Variants in LOXHD1 observed in about 807,000 individuals in gnomAD.
LOXHD1 encodes the protein lipoxygenase homology domain-containing protein 1.
Under a neutral mutation model 248.2 loss-of-function variants are expected in LOXHD1, and 205 were observed. That is an observed-to-expected ratio of 0.83 (90% CI 0.74 to 0.93). The LOEUF is 0.93. LOXHD1 is among the 40% of genes least tolerant of loss of function. The pLI, the probability that LOXHD1 is intolerant of heterozygous loss-of-function variation, is 0.00. For missense variants in LOXHD1, 2,930 were observed against 2,971.6 expected, an observed-to-expected ratio of 0.99 and a Z score of 0.33; for synonymous variants, 1,113 against 1,162.8, an observed-to-expected ratio of 0.96 and a Z score of 0.87.
At chr18:46,503,537 T>C (rs1343839638) in intron 37 of LOXHD1, among the ~76,000 whole-genome samples, 43 of 152,208 alleles carry the variant, frequency 2.8e-4, no homozygotes. Context: ...GCTACTGTTA[T>C]TCAACCAGAC....
intron 21 of LOXHD1, among the ~76,000 whole-genome samples, chr18:46,550,579 CAAAAAAA>C (rs754046200): frequency 1.8e-4 from 8 of 45,470 alleles, no homozygotes; most frequent in Admixed American, 9.2e-4. Flanking sequence ...GACTCCGTCT[CAAAAAAA>C]AAAAAAAAAA....
chr18:46,507,083 T>C (rs1233092220), intron 36 of LOXHD1, among the ~76,000 whole-genome samples: 2 of 152,232 alleles, frequency 1.3e-5, no homozygotes, highest in Non-Finnish European at 2.9e-5. Context: ...CGCACTGCAC[T>C]GTGGTTGCTC....
At chr18:46,627,267 G>A (rs776100036) in intron 4 of LOXHD1, among the ~76,000 whole-genome samples, 24 of 152,188 alleles carry the variant, frequency 1.6e-4, no homozygotes, top group Non-Finnish European at 3.2e-4. Flanking sequence ...GATGGCCAGT[G>A]AGAGAGAATA....
intron 32 of LOXHD1, 121 bp from the exon 33 acceptor site, chr18:46,521,403 C>G: frequency 8.9e-7 from 1 of 1,120,440 alleles, no homozygotes; most frequent in Non-Finnish European, 1.3e-6. Context: ...GGCCCAGGTC[C>G]CTCCCATGAA....
At chr18:46,583,846 CAA>C (rs71162810) in intron 12 of LOXHD1, among the ~76,000 whole-genome samples, 108,605 of 150,382 alleles carry the variant, frequency 0.72, 39,254 homozygotes, top group Non-Finnish European at 0.76. Context: ...GGTATATATC[CAA>C]AAAAAAAAAA....
At chr18:46,646,680 C>T (rs2039035125) in intron 2 of LOXHD1, among the ~76,000 whole-genome samples, 3 of 152,190 alleles carry the variant, frequency 2.0e-5, no homozygotes, top group African/African-American at 4.8e-5. Flanking sequence ...CAGCCCGCAG[C>T]GCTCATTGCT....
intron 1 of LOXHD1, among the ~76,000 whole-genome samples, chr18:46,654,245 C>T (rs1192755647): frequency 6.6e-6 from 1 of 152,220 alleles, no homozygotes; most frequent in East Asian, 1.9e-4. Flanking sequence ...TTATAAATCA[C>T]CAGTCTCAGG....
intron 31 of LOXHD1, among the ~76,000 whole-genome samples, chr18:46,523,728 AG>A (rs1189311846): frequency 6.6e-6 from 1 of 151,548 alleles, no homozygotes. Context: ...TTATCTTTAC[AG>A]GGGGAGCCTT....
At chr18:46,620,915 A>C (rs1288977162) in intron 4 of LOXHD1, among the ~76,000 whole-genome samples, 1 of 152,196 alleles carries the variant, frequency 6.6e-6, no homozygotes, top group Non-Finnish European at 1.5e-5. Context: ...CACAGCATCC[A>C]TGCTCTGGCA....
At chr18:46,524,977 G>A in intron 29 of LOXHD1, 60 bp from the exon 30 acceptor site, 1 of 1,529,314 alleles carries the variant, frequency 6.5e-7, no homozygotes, top group Non-Finnish European at 8.9e-7. Flanking sequence ...ACCCACTCCA[G>A]CCCCACCCTT....
chr18:46,582,432 AC>A (rs1363231897), intron 12 of LOXHD1, among the ~76,000 whole-genome samples: 1 of 152,208 alleles, frequency 6.6e-6, no homozygotes, highest in East Asian at 1.9e-4. Flanking sequence ...GATTAAAAAA[AC>A]AATGAGGGAC....
intron 12 of LOXHD1, among the ~76,000 whole-genome samples, chr18:46,583,087 C>A (rs2037993395): frequency 6.6e-6 from 1 of 152,024 alleles, no homozygotes; most frequent in Non-Finnish European, 1.5e-5. Context: ...TATCTTCTAT[C>A]AACAAAATAC....
Position 46,641,859 on chromosome 18 carries a change from A to G in LOXHD1, c.326+97T>C, listed in dbSNP as rs72915453. On this transcript the variant is annotated intron_variant, in intron 3 of 40. Coordinates refer to ENST00000642948, the MANE Select transcript of LOXHD1 (RefSeq NM_001384474.1). ...GGCCTTTGGTAGCCCCTCAAATAAC[A>G]TCTGGGAAGTAATTCATACCCAGAA... 2,026 of 1,226,174 alleles carry G rather than the reference A, an allele frequency of 1.7e-3. 2 individuals are homozygous for G. The highest frequency in any genetic ancestry group is 2.2e-3 in the Non-Finnish European group (1,885 of 856,810). 76.0% of individuals were successfully genotyped at this position (1,226,174 alleles called of 1,614,324 possible). A position where few individuals can be genotyped will look rare whatever the true frequency, so the allele number is the denominator to read the frequency against.
intron 11 of LOXHD1, 74 bp downstream of exon 11, chr18:46,592,424 A>G (rs2038188402): frequency 8.1e-7 from 1 of 1,242,210 alleles, no homozygotes; most frequent in Non-Finnish European, 1.1e-6. Context: ...AATTTATGTG[A>G]CAGGGTCATT....
In LOXHD1 at chr18:46,560,498, G is replaced by A; in HGVS notation, c.2646C>T (p.His882=). ...VGEVYKLRLG[H]TGEGFGPSWF... ...AGCTGGGCCCAAAGCCCTCGCCCGT[G>A]TGCCCGAGCCGGAGCTTATAGACCT... is the stretch of plus-strand genomic sequence containing the variant. The change falls in exon 19 of 41, where the codon CAC becomes CAT. Residue 882 remains histidine, a synonymous_variant. Coordinates refer to ENST00000642948, the MANE Select transcript of LOXHD1 (RefSeq NM_001384474.1). 2.0e-6 allele frequency: 3 copies of A among 1,537,794 alleles called. No individual in the cohort carries two copies.
At chr18:46,545,056 T>C (rs527834669) in intron 23 of LOXHD1, 2 of 506,982 alleles carry the variant, frequency 3.9e-6, no homozygotes, top group South Asian at 3.9e-5. Context: ...TCATTGAAAG[T>C]TGGGCAAAGC....
intron 1 of LOXHD1, among the ~76,000 whole-genome samples, chr18:46,654,162 A>C (rs750476895): frequency 2.6e-5 from 4 of 152,174 alleles, no homozygotes; most frequent in Non-Finnish European, 4.4e-5. Context: ...GAAAGTTCTC[A>C]CCAGATACTG....
intron 4 of LOXHD1, among the ~76,000 whole-genome samples, chr18:46,629,308 T>C (rs2038787639): frequency 1.3e-5 from 2 of 152,214 alleles, no homozygotes; most frequent in African/African-American, 2.4e-5. Flanking sequence ...AGAGTTATTT[T>C]AAGATTAATG....
intron 21 of LOXHD1, among the ~76,000 whole-genome samples, chr18:46,551,849 A>G (rs2037118808): frequency 6.6e-6 from 1 of 152,250 alleles, no homozygotes; most frequent in Non-Finnish European, 1.5e-5. Flanking sequence ...GTACGTACAT[A>G]CAATGAAATA....
Sources: allele counts gnomAD v4.1 joint callset (sites outside exome capture counted in the v4.1 genomes callset), GRCh38; gene constraint gnomAD v4.1.1; transcripts MANE v1.5; gene names NCBI Gene and HGNC (gene_info 2026-07-23, HGNC 2026-07-21).